The following TRAK1 variants were observed in gnomAD, a reference collection of about 807,000 sequenced individuals.
TRAK1 encodes trafficking kinesin-binding protein 1.
A neutral mutation model predicts 92.1 loss-of-function variants in TRAK1; 33 were observed. That is an observed-to-expected ratio of 0.36 (90% CI 0.27 to 0.48). The LOEUF (loss-of-function observed/expected upper bound fraction) is 0.48, where lower values mean the gene tolerates loss of function less well. TRAK1 is among the 20% of genes least tolerant of loss of function. TRAK1 has a pLI of 0.99. For missense variants in TRAK1, 1,123 were observed against 1,257.9 expected, an observed-to-expected ratio of 0.89 and a Z score of 1.62; for synonymous variants, 521 against 517.3, an observed-to-expected ratio of 1.01 and a Z score of -0.10.
chr3:42,161,812 C>T (rs560976089), intron 2 of TRAK1, among the ~76,000 whole-genome samples: 47 of 152,202 alleles, frequency 3.1e-4, no homozygotes, highest in African/African-American at 1.1e-3. Flanking sequence ...CTGGCCTTGT[C>T]TTGAAGGAGA....
intron 3 of TRAK1, among the ~76,000 whole-genome samples, chr3:42,181,266 G>T (rs141179085): frequency 6.6e-6 from 1 of 152,216 alleles, no homozygotes; most frequent in South Asian, 2.1e-4. Flanking sequence ...GCTAAAGGCC[G>T]GGCGCAGTGG....
intron 14 of TRAK1, among the ~76,000 whole-genome samples, chr3:42,215,923 C>T (rs1205448355): frequency 6.6e-6 from 1 of 152,136 alleles, no homozygotes; most frequent in Non-Finnish European, 1.5e-5. Flanking sequence ...TCTCTGGGCT[C>T]ATGTGAGGGT....
At chr3:42,033,299 G>A (rs779138196) in intron 1 of TRAK1, among the ~76,000 whole-genome samples, 29 of 152,184 alleles carry the variant, frequency 1.9e-4, no homozygotes, top group Non-Finnish European at 3.5e-4. Context: ...CTATGCTGTC[G>A]TTCTGTGAAT....
At position 42,018,483 on chromosome 3, in the gene TRAK1, G is replaced by A. The variant is rs565972315; in HGVS notation, c.-519+4366G>A. Among the ~76,000 whole-genome samples, 8 of 152,200 alleles carry A rather than the reference G, an allele frequency of 5.3e-5. No homozygotes were observed. In the East Asian group the frequency reaches 1.4e-3, roughly 26 times the overall value. The stretch of plus-strand genomic sequence containing the variant: ...GGAAGTGGATTTTGTACTAACATCC[G>A]ACAAGGATGCTCCATCACAGTATAA... On this transcript the variant is annotated intron_variant, in intron 1 of 16. Coordinates refer to the TRAK1 transcript ENST00000487159.
Position 42,193,179 on chromosome 3 carries a change from G to C in TRAK1, c.874G>C (p.Val292Leu), listed in dbSNP as rs745960615. The change falls in exon 8 of 16, where the codon GTT becomes CTT. Residue 292 changes from valine to leucine, a missense_variant. Transcript: ENST00000327628. Reference sequence around the variant, plus strand: ...GATCACACACCTGCTATCGCAAATAGTTGATTTGCAGAAAAAGGCAAAAGC... The same window carrying C: ...GATCACACACCTGCTATCGCAAATACTTGATTTGCAGAAAAAGGCAAAAGC... The part of the protein sequence containing the change: ...EEITHLLSQI[V>L]DLQKKAKACA... 2 of 1,614,152 alleles carry C rather than the reference G, an allele frequency of 1.2e-6. No individual in the cohort carries two copies. The highest frequency in any genetic ancestry group is 3.3e-5 in the Admixed American group (2 of 60,022).
intron 15 of TRAK1, among the ~76,000 whole-genome samples, 160 bp downstream of exon 15, chr3:42,219,756 G>A (rs929287872): frequency 5.4e-5 from 8 of 148,266 alleles, no homozygotes; most frequent in Admixed American, 5.4e-4. Flanking sequence ...CTTGTTCTGG[G>A]TCCCATCCTT....
chr3:42,165,448 G>A lies in TRAK1; in HGVS notation c.287-11366G>A, dbSNP rs958123915. Among the ~76,000 whole-genome samples the A allele has an allele frequency of 3.3e-5, 5 of 152,342 alleles. No individual in the cohort carries two copies. The East Asian group carries it at 9.6e-4, about 29-fold the overall frequency. On this transcript the variant is annotated intron_variant, in intron 2 of 15. Transcript: ENST00000327628. ...TCCATCTGGTTCCCAGGCGAAGCTGGAGATTCAGCACAGATGGAGCACATT... is the reference window on the plus strand; with the variant it reads ...TCCATCTGGTTCCCAGGCGAAGCTGAAGATTCAGCACAGATGGAGCACATT...
chr3:42,166,128 C>A (rs1404296045), intron 2 of TRAK1, among the ~76,000 whole-genome samples: 2 of 152,066 alleles, frequency 1.3e-5, no homozygotes, highest in African/African-American at 4.8e-5. Flanking sequence ...GTCAGGAATT[C>A]CTCGAGGGTA....
intron 1 of TRAK1, among the ~76,000 whole-genome samples, chr3:42,045,514 G>A (rs968282716): frequency 6.6e-6 from 1 of 152,140 alleles, no homozygotes; most frequent in African/African-American, 2.4e-5. Context: ...TAGCTTGGGC[G>A]ACAGAGCAAG....
At chr3:42,061,275 A>C (rs1297442606) in intron 1 of TRAK1, among the ~76,000 whole-genome samples, 1 of 150,144 alleles carries the variant, frequency 6.7e-6, no homozygotes, top group Non-Finnish European at 1.5e-5. Flanking sequence ...GTGCATGCAC[A>C]CACCCACCCA....
At chr3:42,166,131 C>T (rs548058452) in intron 2 of TRAK1, among the ~76,000 whole-genome samples, 9 of 152,080 alleles carry the variant, frequency 5.9e-5, no homozygotes, top group African/African-American at 9.7e-5. Flanking sequence ...AGGAATTCCT[C>T]GAGGGTACGA....
At chr3:42,219,185 A>G in intron 14 of TRAK1, 11 of 985,176 alleles carry the variant, frequency 1.1e-5, no homozygotes, top group Non-Finnish European at 1.3e-5. Flanking sequence ...ACAAAGGCCC[A>G]TTACCCCACC....
At chr3:42,103,222 C>T (rs552928108) in intron 1 of TRAK1, among the ~76,000 whole-genome samples, 14 of 152,256 alleles carry the variant, frequency 9.2e-5, no homozygotes, top group South Asian at 8.3e-4. Context: ...GGCTGAAGTG[C>T]GGTGGCGTGA....
intron 3 of TRAK1, among the ~76,000 whole-genome samples, chr3:42,182,486 T>C (rs1255476203): frequency 6.6e-6 from 1 of 151,566 alleles, no homozygotes; most frequent in Admixed American, 6.6e-5. Context: ...AGAGACGGGG[T>C]TTTGCCATGT....
At chr3:42,157,938 T>C (rs1018425448) in intron 2 of TRAK1, among the ~76,000 whole-genome samples, 3 of 152,244 alleles carry the variant, frequency 2.0e-5, no homozygotes, top group Non-Finnish European at 4.4e-5. Context: ...GTCCTATTCT[T>C]GTAACTTTTC....
At chr3:42,108,487 G>A (rs1350437129) in intron 1 of TRAK1, among the ~76,000 whole-genome samples, 2 of 100,282 alleles carry the variant, frequency 2.0e-5, no homozygotes, top group Admixed American at 1.2e-4. Flanking sequence ...GTGAGACCCT[G>A]CCTTTAAAAA....
intron 15 of TRAK1, chr3:42,220,493 C>T (rs1710233887): frequency 2.0e-6 from 2 of 985,398 alleles, no homozygotes; most frequent in South Asian, 9.4e-5. Context: ...GAATAATTCT[C>T]CGCAGGTCAT....
intron 2 of TRAK1, among the ~76,000 whole-genome samples, chr3:42,135,912 T>C (rs1004295921): frequency 3.3e-5 from 5 of 152,188 alleles, no homozygotes; most frequent in African/African-American, 4.8e-5. Context: ...GAACGTGTGC[T>C]TGCCATCCTC....
chr3:42,108,828 A>G (rs1707949660), intron 1 of TRAK1, among the ~76,000 whole-genome samples: 2 of 152,132 alleles, frequency 1.3e-5, no homozygotes, highest in Non-Finnish European at 2.9e-5. Flanking sequence ...TTTGACCATA[A>G]TGCTCCTGTT....
Sources: allele counts gnomAD v4.1 joint callset (sites outside exome capture counted in the v4.1 genomes callset), GRCh38; gene constraint gnomAD v4.1.1; transcripts MANE v1.5; gene names NCBI Gene and HGNC (gene_info 2026-07-23, HGNC 2026-07-21).